The following CACNA1C variants were observed in gnomAD, a reference collection of about 807,000 sequenced individuals.
CACNA1C encodes voltage-dependent L-type calcium channel subunit alpha-1C.
Under a neutral mutation model 229.0 loss-of-function variants are expected in CACNA1C, and 30 were observed. The observed-to-expected ratio is 0.13, with a 90% CI of 0.10 to 0.18. CACNA1C has a LOEUF of 0.18. CACNA1C is among the 10% of genes least tolerant of loss of function. The pLI, the probability that CACNA1C is intolerant of heterozygous loss-of-function variation, is 1.00. For missense variants in CACNA1C, 1,658 were observed against 2,845.0 expected, an observed-to-expected ratio of 0.58 and a Z score of 9.49; for synonymous variants, 1,114 against 1,132.5, an observed-to-expected ratio of 0.98 and a Z score of 0.33.
At chr12:2,590,226 G>T (rs1340639240) in intron 18 of CACNA1C, among the ~76,000 whole-genome samples, 2 of 152,192 alleles carry the variant, frequency 1.3e-5, no homozygotes, top group Non-Finnish European at 2.9e-5. Flanking sequence ...ATGGAGGGGG[G>T]CAAGGGTTGC....
intron 3 of CACNA1C, among the ~76,000 whole-genome samples, chr12:2,127,049 G>T (rs2090374720): frequency 6.6e-6 from 1 of 152,218 alleles, no homozygotes; most frequent in Non-Finnish European, 1.5e-5. Flanking sequence ...ACTACACAGG[G>T]AGAGAAGCTG....
At position 2,033,102 on chromosome 12, in the gene CACNA1C, C is replaced by T. The variant is rs142953694; in HGVS notation, c.139+61901C>T. 6.1e-3 allele frequency among the ~76,000 whole-genome samples: 932 copies of T among 152,284 alleles called. 17 individuals are homozygous for T. Among genetic ancestry groups the T allele is most frequent in the African/African-American group, 0.021 (866 of 41,564 alleles). ...TGGTTAGGTGCAGTGATGTAGCTAA[C>T]CCACCCTGGGGGAGTTCCGCTGGCC... On this transcript the variant is annotated intron_variant, in intron 1 of 46. Coordinates refer to the CACNA1C transcript ENST00000682462.
intron 7 of CACNA1C, among the ~76,000 whole-genome samples, chr12:2,497,759 T>G (rs2099749756): frequency 6.6e-6 from 1 of 152,186 alleles, no homozygotes; most frequent in Admixed American, 6.5e-5. Context: ...TAAAAAATAC[T>G]TAATGAGAAA....
chr12:2,513,037 A>G, intron 9 of CACNA1C, 53 bp downstream of exon 9: 1 of 1,471,850 alleles, frequency 6.8e-7, no homozygotes, highest in South Asian at 1.3e-5. Context: ...GAGAGGAGAC[A>G]GCATCGGGGT....
chr12:2,604,464 C>T (rs1278355211), intron 22 of CACNA1C, among the ~76,000 whole-genome samples: 1 of 152,026 alleles, frequency 6.6e-6, no homozygotes, highest in African/African-American at 2.4e-5. Flanking sequence ...ACTAAGAAAT[C>T]TCCTCCCCAT....
intron 3 of CACNA1C, among the ~76,000 whole-genome samples, chr12:2,209,455 G>C (rs754877886): frequency 1.1e-4 from 16 of 152,204 alleles, no homozygotes; most frequent in Admixed American, 7.2e-4. Flanking sequence ...GTGAAAGGGA[G>C]CGAGGGAGTG....
At chr12:2,086,622 T>A (rs1425837002) in intron 1 of CACNA1C, among the ~76,000 whole-genome samples, 1 of 152,220 alleles carries the variant, frequency 6.6e-6, no homozygotes, top group African/African-American at 2.4e-5. Flanking sequence ...CAGTTACTCC[T>A]GGTCAGGTGG....
chr12:2,344,406 G>T (rs2096948585), intron 3 of CACNA1C, among the ~76,000 whole-genome samples: 1 of 152,122 alleles, frequency 6.6e-6, no homozygotes, highest in Admixed American at 6.6e-5. Context: ...CTTGCACCCT[G>T]GAGAGGTAGG....
intron 1 of CACNA1C, among the ~76,000 whole-genome samples, chr12:1,987,788 T>C (rs1310805822): frequency 6.6e-6 from 1 of 152,216 alleles, no homozygotes; most frequent in Admixed American, 6.5e-5. Context: ...CTATGTATTA[T>C]GATTTGCAGA....
At chr12:2,564,047 C>T (rs1459764896) in intron 11 of CACNA1C, among the ~76,000 whole-genome samples, 1 of 152,206 alleles carries the variant, frequency 6.6e-6, no homozygotes, top group African/African-American at 2.4e-5. Context: ...GGACTCATGC[C>T]ATGGACTGTG....
chr12:2,589,807 G>A (rs370926978), intron 18 of CACNA1C, among the ~76,000 whole-genome samples: 1 of 152,352 alleles, frequency 6.6e-6, no homozygotes, highest in Non-Finnish European at 1.5e-5. Context: ...AGGGGATGGT[G>A]CCGGAGATGC....
intron 3 of CACNA1C, among the ~76,000 whole-genome samples, chr12:2,195,145 C>A (rs1350230889): frequency 3.3e-5 from 5 of 152,214 alleles, no homozygotes; most frequent in Admixed American, 6.5e-5. Flanking sequence ...CCATGCCGTG[C>A]CTGGCACCTT....
chr12:2,447,910 C>T (rs917997721), intron 3 of CACNA1C, among the ~76,000 whole-genome samples: 3 of 152,222 alleles, frequency 2.0e-5, no homozygotes, highest in African/African-American at 7.2e-5. Flanking sequence ...ACAGGCCCGC[C>T]GCACTCTGGA....
chr12:2,446,403 G>GGTGGATGGGTGGATGGATGA (rs2099281794), intron 3 of CACNA1C, among the ~76,000 whole-genome samples: 1 of 142,590 alleles, frequency 7.0e-6, no homozygotes, highest in African/African-American at 2.6e-5. Context: ...TGGATGGATA[G>GGTGGATGGGTGGATGGATGA]GTGGGTGGGT....
chr12:2,032,423 T>G lies in CACNA1C; in HGVS notation c.139+61222T>G, dbSNP rs151254254. Among the ~76,000 whole-genome samples, 46 of 152,308 alleles carry G rather than the reference T, an allele frequency of 3.0e-4. No homozygotes were observed. The East Asian group carries it at 8.7e-3, about 29-fold the overall frequency. On this transcript the variant is annotated intron_variant, in intron 1 of 46. Transcript: ENST00000682462. Reference sequence around the variant, plus strand: ...TGGCACACATAGAGAATGGACTCTGTTGCTCTTGAAAAGGATTGTTAAAAA... The same window carrying G: ...TGGCACACATAGAGAATGGACTCTGGTGCTCTTGAAAAGGATTGTTAAAAA...
intron 1 of CACNA1C, among the ~76,000 whole-genome samples, chr12:2,011,790 G>C (rs1343326678): frequency 6.6e-6 from 1 of 152,192 alleles, no homozygotes; most frequent in Non-Finnish European, 1.5e-5. Flanking sequence ...CCTCATGCTC[G>C]AAGGAAAGCT....
At chr12:2,395,107 C>T (rs1362074429) in intron 3 of CACNA1C, among the ~76,000 whole-genome samples, 1 of 152,128 alleles carries the variant, frequency 6.6e-6, no homozygotes, top group Non-Finnish European at 1.5e-5. Context: ...GCAGCCTCGA[C>T]CTCCCAGGCT....
intron 42 of CACNA1C, among the ~76,000 whole-genome samples, chr12:2,680,099 G>A (rs934489757): frequency 6.6e-6 from 1 of 152,170 alleles, no homozygotes; most frequent in African/African-American, 2.4e-5. Context: ...TTGTGTTCCG[G>A]CTTCACAACA....
chr12:2,012,463 C>T (rs2044609387), intron 1 of CACNA1C, among the ~76,000 whole-genome samples: 1 of 152,202 alleles, frequency 6.6e-6, no homozygotes. Context: ...ACCATGTGAT[C>T]TGCAAAGCCT....
Sources: allele counts gnomAD v4.1 joint callset (sites outside exome capture counted in the v4.1 genomes callset), GRCh38; gene constraint gnomAD v4.1.1; transcripts MANE v1.5; gene names NCBI Gene and HGNC (gene_info 2026-07-23, HGNC 2026-07-21).